The following NRXN1 variants were observed in gnomAD, a reference collection of about 807,000 sequenced individuals.
The protein encoded by NRXN1 is neurexin-1.
Under a neutral mutation model 150.9 loss-of-function variants are expected in NRXN1, and 39 were observed. The ratio of observed to expected loss-of-function variants is 0.26; its 90% confidence interval spans 0.20 to 0.34. The LOEUF (loss-of-function observed/expected upper bound fraction) is 0.34, where lower values mean the gene tolerates loss of function less well. Among genes scored for constraint, NRXN1 ranks in the 10% least tolerant of loss-of-function variants. NRXN1 has a pLI of 1.00. For synonymous variants in NRXN1, 924 were observed against 757.0 expected (o/e 1.22, Z -3.62); for missense variants, 1,815 against 1,949.9 (o/e 0.93, Z 1.30).
chr2:50,934,039 A>T (rs1214115417), intron 2 of NRXN1, among the ~76,000 whole-genome samples: 1 of 152,152 alleles, frequency 6.6e-6, no homozygotes, highest in Non-Finnish European at 1.5e-5. Context: ...TCATCAAGCC[A>T]CACCTCATTA....
chr2:50,235,987 C>A (rs1307521719), intron 18 of NRXN1, among the ~76,000 whole-genome samples: 1 of 151,918 alleles, frequency 6.6e-6, no homozygotes, highest in Non-Finnish European at 1.5e-5. Flanking sequence ...TGCTTCTTTA[C>A]AAATAATGCA....
chr2:50,641,166 G>T (rs1205983868), intron 5 of NRXN1, among the ~76,000 whole-genome samples: 5 of 152,084 alleles, frequency 3.3e-5, no homozygotes, highest in African/African-American at 1.2e-4. Flanking sequence ...CTTTACTGCT[G>T]TGCCTTAATA....
intron 15 of NRXN1, among the ~76,000 whole-genome samples, chr2:50,483,736 C>A (rs546969270): frequency 3.7e-4 from 56 of 152,326 alleles, no homozygotes; most frequent in Admixed American, 7.2e-4. Flanking sequence ...ATGCACCACA[C>A]TCTCTCCTAT....
chr2:50,610,078 A>C (rs1677778317), intron 8 of NRXN1, among the ~76,000 whole-genome samples: 1 of 152,178 alleles, frequency 6.6e-6, no homozygotes, highest in South Asian at 2.1e-4. Context: ...ATTAACATGC[A>C]CAGAAATAAT....
At chr2:50,898,143 C>A (rs1230388869) in intron 5 of NRXN1, among the ~76,000 whole-genome samples, 1 of 152,120 alleles carries the variant, frequency 6.6e-6, no homozygotes, top group Non-Finnish European at 1.5e-5. Flanking sequence ...TTAGTTGTGG[C>A]TCTATTCAGT....
chr2:50,803,238 G>C (rs1352721799), intron 5 of NRXN1, among the ~76,000 whole-genome samples: 2 of 152,064 alleles, frequency 1.3e-5, no homozygotes, highest in African/African-American at 2.4e-5. Flanking sequence ...TTCAATTACA[G>C]GAAAAAATAC....
chr2:50,113,996 T>TA (rs1366391203), intron 18 of NRXN1, among the ~76,000 whole-genome samples: 1 of 152,094 alleles, frequency 6.6e-6, no homozygotes, highest in Non-Finnish European at 1.5e-5. Context: ...GATCTATATA[T>TA]ACAAGTATAT....
chr2:50,225,139 C>A (rs1366642785), intron 18 of NRXN1, among the ~76,000 whole-genome samples: 1 of 151,976 alleles, frequency 6.6e-6, no homozygotes, highest in Non-Finnish European at 1.5e-5. Flanking sequence ...CCCAGGAGAA[C>A]ATCACGTGCT....
intron 9 of NRXN1, chr2:50,551,310 T>C (rs1201305367): frequency 6.6e-6 from 1 of 152,146 alleles, no homozygotes; most frequent in Non-Finnish European, 1.5e-5. Context: ...CCTTCTCAAT[T>C]TCCATATATT....
chr2:50,119,124 T>C (rs946561774), intron 18 of NRXN1, among the ~76,000 whole-genome samples: 1 of 152,196 alleles, frequency 6.6e-6, no homozygotes, highest in African/African-American at 2.4e-5. Context: ...ACATCTTAAG[T>C]TGAAAATTAA....
At chr2:50,867,485 C>G (rs1677114713) in intron 5 of NRXN1, among the ~76,000 whole-genome samples, 1 of 151,822 alleles carries the variant, frequency 6.6e-6, no homozygotes, top group South Asian at 2.1e-4. Flanking sequence ...TTCTGCTCTC[C>G]AGGGTGCACA....
intron 22 of NRXN1, among the ~76,000 whole-genome samples, chr2:49,923,701 A>G (rs778873556): frequency 3.9e-5 from 6 of 152,038 alleles, no homozygotes; most frequent in Non-Finnish European, 5.9e-5. Flanking sequence ...AATATCACCA[A>G]TATTTCTTTT....
chr2:50,805,427 G>T (rs1667385028), intron 5 of NRXN1, among the ~76,000 whole-genome samples: 1 of 152,104 alleles, frequency 6.6e-6, no homozygotes, highest in Admixed American at 6.6e-5. Context: ...GGCCGAGGTG[G>T]GCAGATCACT....
rs1553609855 is a variant in NRXN1, at chr2:50,434,043, A to ATCTTT, written c.3364+31398_3364+31399insAAAGA. ...ACTCCTTGCTTCCGGTATCTAAGCCATTTTTTTTTTTTTTTTTTTTTTTTT... is the reference window on the plus strand; with the variant it reads ...ACTCCTTGCTTCCGGTATCTAAGCCATCTTTTTTTTTTTTTTTTTTTTTTTTTTTT... On this transcript the variant is annotated intron_variant, in intron 17 of 22. Transcript: ENST00000401669. Among the ~76,000 whole-genome samples the ATCTTT allele has an allele frequency of 6.4e-4, 46 of 72,144 alleles. 10 individuals carry two copies. The highest frequency in any genetic ancestry group is 1.8e-3 in the African/African-American group (33 of 18,178). 47.3% of individuals were successfully genotyped at this position (72,144 alleles called of 152,430 possible). A position where few individuals can be genotyped will look rare whatever the true frequency, so the allele number is the denominator to read the frequency against.
At chr2:50,760,218 T>C (rs1435017573) in intron 5 of NRXN1, among the ~76,000 whole-genome samples, 1 of 151,914 alleles carries the variant, frequency 6.6e-6, no homozygotes, top group Non-Finnish European at 1.5e-5. Context: ...GTCCCTTCAC[T>C]GAGTTATTAG....
chr2:49,979,897 GTT>G, intron 21 of NRXN1, among the ~76,000 whole-genome samples: 1 of 103,686 alleles, frequency 9.6e-6, no homozygotes, highest in South Asian at 3.3e-4. Context: ...GTCTTATATT[GTT>G]TTTTTGGTTT....
chr2:50,923,911 G>A (rs1193133336), intron 3 of NRXN1, among the ~76,000 whole-genome samples: 3 of 151,704 alleles, frequency 2.0e-5, no homozygotes, highest in Non-Finnish European at 4.4e-5. Context: ...AATATAACAT[G>A]AAAGTTATTA....
At chr2:50,795,160 A>C (rs554581224) in intron 5 of NRXN1, among the ~76,000 whole-genome samples, 1 of 152,206 alleles carries the variant, frequency 6.6e-6, no homozygotes, top group African/African-American at 2.4e-5. Flanking sequence ...AATCTATTTT[A>C]CACTGAGCAT....
chr2:50,885,544 T>A (rs1275973748), intron 5 of NRXN1, among the ~76,000 whole-genome samples: 2 of 151,294 alleles, frequency 1.3e-5, no homozygotes, highest in East Asian at 1.9e-4. Context: ...ACTTCCAAAA[T>A]GAAATTTTCT....
Sources: allele counts gnomAD v4.1 joint callset (sites outside exome capture counted in the v4.1 genomes callset), GRCh38; gene constraint gnomAD v4.1.1; transcripts MANE v1.5; gene names NCBI Gene and HGNC (gene_info 2026-07-23, HGNC 2026-07-21).